SARNP: variants seen among roughly 807,000 people sequenced by gnomAD.
SARNP encodes SAP domain-containing ribonucleoprotein.
SARNP carries 5 observed loss-of-function variants against 38.1 expected under a neutral mutation model. The ratio of observed to expected loss-of-function variants is 0.13; its 90% CI spans 0.07 to 0.28. SARNP has a LOEUF of 0.28. SARNP is among the 10% of genes least tolerant of loss of function. SARNP has a pLI of 1.00. For synonymous variants in SARNP, 84 were observed against 80.6 expected, an observed-to-expected ratio of 1.04 and a Z score of -0.23; for missense variants, 180 against 243.9, an observed-to-expected ratio of 0.74 and a Z score of 1.75.
At position 55,803,645 on chromosome 12, in the gene SARNP, T is replaced by A. The variant is rs1003746494; in HGVS notation, c.120A>T (p.Ala40=). The A allele has an allele frequency of 6.2e-7, 1 of 1,611,588 alleles. No homozygotes were observed. The highest frequency in any genetic ancestry group is 1.1e-5 in the South Asian group (1 of 90,970). The part of the protein sequence containing the change: ...IKQDLIHRLQ[A]YLEEHAEEEA... The stretch of plus-strand genomic sequence containing the variant: ...AGTACTCACCATGTTCTTCAAGATA[T>A]GCCTGGAGTCTGTGGATAAGATCTT... The change falls in exon 2 of 11, where the codon GCA becomes GCT. Residue 40 remains alanine, a synonymous_variant. Transcript: ENST00000336133.
chr12:55,813,167 A>G (rs1322392662), intron 1 of SARNP, among the ~76,000 whole-genome samples: 1 of 152,120 alleles, frequency 6.6e-6, no homozygotes, highest in East Asian at 1.9e-4. Context: ...GCTGGTCTCA[A>G]ACTCCTGACC....
At chr12:55,770,225 G>C (rs1452276917) in intron 9 of SARNP, among the ~76,000 whole-genome samples, 1 of 150,428 alleles carries the variant, frequency 6.6e-6, no homozygotes, top group African/African-American at 2.4e-5. Flanking sequence ...GTTATAACTA[G>C]AATTTTTTTT....
At chr12:55,796,472 A>G (rs1425469170) in intron 4 of SARNP, among the ~76,000 whole-genome samples, 2 of 152,112 alleles carry the variant, frequency 1.3e-5, no homozygotes, top group Non-Finnish European at 2.9e-5. Context: ...GCACGATCTC[A>G]GCTCACTGCA....
intron 10 of SARNP, among the ~76,000 whole-genome samples, chr12:55,758,537 C>A (rs1010004141): frequency 1.3e-5 from 2 of 152,042 alleles, no homozygotes; most frequent in African/African-American, 2.4e-5. Context: ...CCCAGGTACT[C>A]AGGAGGCTGA....
At position 55,800,563 on chromosome 12, in the gene SARNP, C is replaced by T. The variant is rs1319341120; in HGVS notation, c.250G>A (p.Val84Met). The stretch of plus-strand genomic sequence containing the variant: ...AGATTATAAAAAAGGGATAATTACA[C>T]ATCAACAGTTTTTTCAGGGGGTTCT... Reference protein sequence around the residue: ...EEEPPEKTVDVAAEKKVVKIT... With the variant: ...EEEPPEKTVDMAAEKKVVKIT... The change falls in exon 4 of 11, where the codon GTG becomes ATG. Residue 84 changes from valine to methionine, a missense_variant and splice_region_variant. Around this residue, in one of 2 missense-constraint regions of SARNP, gnomAD observed 161 missense variants for 194.1 expected, o/e 0.83. Coordinates refer to ENST00000336133, the MANE Select transcript of SARNP (RefSeq NM_033082.4). The T allele has an allele frequency of 6.2e-7, 1 of 1,600,998 alleles. No homozygotes were observed. Among genetic ancestry groups the T allele is most frequent in the Non-Finnish European group, 8.5e-7 (1 of 1,170,020 alleles).
intron 10 of SARNP, 125 bp downstream of exon 10, chr12:55,760,426 C>A (rs1433864598): frequency 1.6e-6 from 1 of 631,408 alleles, no homozygotes; most frequent in South Asian, 2.1e-5. Flanking sequence ...AACAGAGACC[C>A]CAACTCGACT....
chr12:55,769,289 G>A (rs1402795521), intron 9 of SARNP, among the ~76,000 whole-genome samples: 2 of 152,116 alleles, frequency 1.3e-5, no homozygotes, highest in Non-Finnish European at 2.9e-5. Context: ...TCATTCAGTA[G>A]TCAAATGAGT....
intron 9 of SARNP, among the ~76,000 whole-genome samples, chr12:55,788,191 T>C (rs1879561224): frequency 1.3e-5 from 2 of 152,218 alleles, no homozygotes; most frequent in African/African-American, 4.8e-5. Context: ...TATCATTTTC[T>C]CCAATGTGCC....
intron 2 of SARNP, among the ~76,000 whole-genome samples, chr12:55,803,090 G>T (rs915605295): frequency 6.6e-6 from 1 of 152,014 alleles, no homozygotes; most frequent in Non-Finnish European, 1.5e-5. Flanking sequence ...ATTAGAACGG[G>T]TGCCTAAATG....
At chr12:55,779,675 C>T (rs1489385199) in intron 9 of SARNP, among the ~76,000 whole-genome samples, 2 of 152,018 alleles carry the variant, frequency 1.3e-5, no homozygotes, top group Non-Finnish European at 2.9e-5. Flanking sequence ...AATTACAGAC[C>T]CTCTGAGAAG....
At position 55,760,572 on chromosome 12, in the gene SARNP, A is replaced by G. The variant is rs773496591; in HGVS notation, c.570T>C (p.Thr190=). 9 of 1,610,850 alleles carry G rather than the reference A, an allele frequency of 5.6e-6. No homozygotes were observed. In the Admixed American group the frequency reaches 1.5e-4, roughly 27 times the overall value. The change falls in exon 10 of 11, where the codon ACT becomes ACC. Residue 190 remains threonine (T), a synonymous_variant. Transcript: ENST00000336133. ...RFGIVTSSAG[T]GTTEDTEAKK... is the part of the protein sequence containing the mutation. The stretch of plus-strand genomic sequence containing the variant: ...TTACCTCTGTATCCTCTGTGGTTCC[A>G]GTTCCAGCTGAACTTGTGACAATCC...
At chr12:55,802,456 T>C (rs1880007011) in intron 2 of SARNP, among the ~76,000 whole-genome samples, 1 of 152,002 alleles carries the variant, frequency 6.6e-6, no homozygotes, top group South Asian at 2.1e-4. Flanking sequence ...AAGGCTGATA[T>C]GATACAAGTG....
intron 1 of SARNP, among the ~76,000 whole-genome samples, chr12:55,804,598 CAAA>C (rs1266546052): frequency 6.6e-6 from 1 of 151,946 alleles, no homozygotes; most frequent in East Asian, 1.9e-4. Context: ...GAATTTTAGG[CAAA>C]GAAGGTTAAC....
At chr12:55,780,638 C>G (rs1377422522) in intron 9 of SARNP, among the ~76,000 whole-genome samples, 1 of 152,052 alleles carries the variant, frequency 6.6e-6, no homozygotes, top group Non-Finnish European at 1.5e-5. Flanking sequence ...CCATTGCACT[C>G]CACCCTGGGC....
chr12:55,770,898 C>T (rs1053015195), intron 9 of SARNP, among the ~76,000 whole-genome samples: 3 of 151,822 alleles, frequency 2.0e-5, no homozygotes, highest in African/African-American at 2.4e-5. Flanking sequence ...AATTAGCATC[C>T]CATGGGTTGT....
chr12:55,790,607 A>C lies in SARNP; in HGVS notation c.407-15T>G. The C allele has an allele frequency of 6.7e-7, 1 of 1,503,546 alleles. No individual in the cohort carries two copies. The highest frequency in any genetic ancestry group is 8.9e-7 in the Non-Finnish European group (1 of 1,123,472). 93.1% of individuals were successfully genotyped at this position (1,503,546 alleles called of 1,614,324 possible). On this transcript the variant is annotated splice_polypyrimidine_tract_variant and intron_variant, in intron 7 of 10. Transcript: ENST00000336133. ...AGATGACAGACCTAAGGAAGTAAAT[A>C]AAGTTTTATTTAATATTTTTAAAAG...
In SARNP at chr12:55,806,898, A is replaced by G. The variant is rs138769125; in HGVS notation, c.37-3170T>C. Among the ~76,000 whole-genome samples the G allele has an allele frequency of 1.3e-4, 20 of 152,352 alleles. No individual in the cohort carries two copies. In the East Asian group the frequency reaches 3.7e-3, roughly 28 times the overall value. On this transcript the variant is annotated intron_variant, in intron 1 of 10. Coordinates refer to ENST00000336133, the MANE Select transcript of SARNP (RefSeq NM_033082.4). The stretch of plus-strand genomic sequence containing the variant: ...GCTTGACAGCCAAAAAATGCTTTAT[A>G]TTTATTAAGTACTAAATCACTGGTC...
chr12:55,760,332 C>T (rs1334572681), intron 10 of SARNP: 2 of 534,156 alleles, frequency 3.7e-6, no homozygotes, highest in Admixed American at 3.4e-5. Flanking sequence ...GAGACCCCAT[C>T]TCTACTTAAA....
At chr12:55,760,705 A>G (rs1446965540) in intron 9 of SARNP, 65 bp from the exon 10 acceptor site, 1 of 1,095,040 alleles carries the variant, frequency 9.1e-7, no homozygotes, top group African/African-American at 1.5e-5. Flanking sequence ...AATGGGAATG[A>G]AATGATAACT....
Sources: gnomAD v4.1 joint callset for allele counts (sites outside exome capture counted in the v4.1 genomes callset) on GRCh38, gnomAD v4.1.1 for gene constraint, gnomAD v4.1.1 regional missense constraint, MANE v1.5 for transcripts, NCBI Gene and HGNC (gene_info 2026-07-23, HGNC 2026-07-21) for gene names.